The following CSMD1 variants were observed in gnomAD, a reference collection of about 807,000 sequenced individuals.
CSMD1 encodes the protein CUB and sushi domain-containing protein 1.
A neutral mutation model predicts 417.5 loss-of-function variants in CSMD1; 213 were observed. The ratio of observed to expected loss-of-function variants is 0.51; its 90% CI spans 0.46 to 0.57. The LOEUF is 0.57. CSMD1 is among the 20% of genes least tolerant of loss of function. The pLI is 0.00. For missense variants in CSMD1, 6,923 were observed against 4,529.7 expected, an observed-to-expected ratio of 1.53 and a Z score of -15.17; for synonymous variants, 2,862 against 1,736.8, an observed-to-expected ratio of 1.65 and a Z score of -16.11.
In CSMD1 at chr8:3,218,729, G is replaced by A. The variant is rs113173601; in HGVS notation, c.4672+526C>T. ...TCTACTAAAAATACAAAAATTAGCC[G>A]TGTATGGTGGCATGCTCCTGTAATT... On this transcript the variant is annotated intron_variant, in intron 29 of 69. Transcript: ENST00000635120. Among the ~76,000 whole-genome samples the A allele has an allele frequency of 3.2e-3, 481 of 151,880 alleles. 4 individuals carry two copies. The highest frequency in any genetic ancestry group is 0.011 in the African/African-American group (461 of 41,398).
In CSMD1 at chr8:3,723,997, C is replaced by G. The variant is rs1167810357; in HGVS notation, c.932-15506G>C. Among the ~76,000 whole-genome samples the G allele has an allele frequency of 3.9e-5, 2 of 51,526 alleles. 1 individual carries two copies. Among genetic ancestry groups the G allele is most frequent in the East Asian group, 7.4e-4 (2 of 2,702 alleles). The allele number at this position is 51,526 out of a possible 152,430, so 33.8% of individuals were successfully genotyped here. ...GTGAAAGAAAAATGTCCACTATTATCTAAGAGGGATATTAAAATACGCCTC... is the reference window on the plus strand; with the variant it reads ...GTGAAAGAAAAATGTCCACTATTATGTAAGAGGGATATTAAAATACGCCTC... On this transcript the variant is annotated intron_variant, in intron 6 of 69. Transcript: ENST00000635120.
chr8:2,984,268 G>C (rs1250243545), intron 54 of CSMD1, among the ~76,000 whole-genome samples: 2 of 152,198 alleles, frequency 1.3e-5, no homozygotes, highest in East Asian at 1.9e-4. Context: ...TGGGAGCCGA[G>C]CAAACGCACA....
intron 12 of CSMD1, among the ~76,000 whole-genome samples, chr8:3,455,029 C>G (rs892374753): frequency 1.2e-4 from 18 of 152,276 alleles, no homozygotes; most frequent in African/African-American, 4.1e-4. Flanking sequence ...TCTTTTTTCT[C>G]TAAACTTCTC....
At chr8:3,194,459 T>TATTTTATTTTATTTC (rs1362170813) in intron 33 of CSMD1, among the ~76,000 whole-genome samples, 36 of 122,954 alleles carry the variant, frequency 2.9e-4, no homozygotes, top group Admixed American at 5.6e-4. Flanking sequence ...TATTTTATTT[T>TATTTTATTTTATTTC]ATTTCATTTC....
chr8:4,147,336 T>C (rs913741062), intron 3 of CSMD1, among the ~76,000 whole-genome samples: 5 of 152,200 alleles, frequency 3.3e-5, no homozygotes, highest in South Asian at 2.1e-4. Flanking sequence ...CACCTGTCTA[T>C]TGCGCCCCAC....
intron 3 of CSMD1, among the ~76,000 whole-genome samples, chr8:4,110,689 G>C (rs1801805549): frequency 6.6e-6 from 1 of 152,038 alleles, no homozygotes; most frequent in East Asian, 1.9e-4. Flanking sequence ...AAAATGTTTT[G>C]CTGCTTATAA....
intron 1 of CSMD1, among the ~76,000 whole-genome samples, chr8:4,909,726 T>C (rs1457995225): frequency 6.6e-6 from 1 of 152,172 alleles, no homozygotes; most frequent in East Asian, 1.9e-4. Flanking sequence ...AAAGTGACCA[T>C]TTAAGTGATC....
chr8:4,311,681 C>A lies in CSMD1; in HGVS notation c.415+108272G>T, dbSNP rs13261966. 7.6e-3 allele frequency among the ~76,000 whole-genome samples: 1,133 copies of A among 148,198 alleles called. 15 individuals carry two copies. Among genetic ancestry groups the A allele is most frequent in the Non-Finnish European group, 9.4e-3 (637 of 67,736 alleles). On this transcript the variant is annotated intron_variant, in intron 3 of 69. Coordinates refer to ENST00000635120, the MANE Select transcript of CSMD1 (RefSeq NM_033225.6). ...GAGGCTGCAGTGAGCCGAGATTGTGCCACAGCACTCCAGCCTGGGCAACAA... is the reference window on the plus strand; with the variant it reads ...GAGGCTGCAGTGAGCCGAGATTGTGACACAGCACTCCAGCCTGGGCAACAA...
At chr8:4,491,224 C>G (rs1248123384) in intron 2 of CSMD1, among the ~76,000 whole-genome samples, 2 of 152,010 alleles carry the variant, frequency 1.3e-5, no homozygotes, top group African/African-American at 2.4e-5. Flanking sequence ...ATAGATACAA[C>G]TTCAATACTA....
intron 3 of CSMD1, among the ~76,000 whole-genome samples, chr8:4,413,412 A>C (rs1052021915): frequency 3.3e-5 from 5 of 152,158 alleles, no homozygotes; most frequent in African/African-American, 1.2e-4. Context: ...AGATTAGCTA[A>C]ATTTGTTTCT....
At chr8:4,083,461 C>G (rs1291647581) in intron 3 of CSMD1, among the ~76,000 whole-genome samples, 1 of 152,052 alleles carries the variant, frequency 6.6e-6, no homozygotes, top group Non-Finnish European at 1.5e-5. Flanking sequence ...CTACAGTAAC[C>G]AAAACAGCAT....
chr8:3,358,982 A>G (rs1321131689), intron 21 of CSMD1, among the ~76,000 whole-genome samples, 170 bp downstream of exon 21: 1 of 152,140 alleles, frequency 6.6e-6, no homozygotes, highest in African/African-American at 2.4e-5. Flanking sequence ...ATTCAAGCCC[A>G]GAGCAGTTAG....
At chr8:3,202,483 TG>T (rs1212758273) in intron 31 of CSMD1, among the ~76,000 whole-genome samples, 1 of 152,216 alleles carries the variant, frequency 6.6e-6, no homozygotes, top group Admixed American at 6.5e-5. Context: ...CTACATGCTT[TG>T]TGACTTCAAA....
chr8:3,074,802 T>C (rs919412257), intron 49 of CSMD1, among the ~76,000 whole-genome samples: 1 of 152,212 alleles, frequency 6.6e-6, no homozygotes, highest in African/African-American at 2.4e-5. Flanking sequence ...TGCCATATCA[T>C]GGAAAGTGTG....
intron 25 of CSMD1, among the ~76,000 whole-genome samples, chr8:3,302,722 G>A (rs1254618099): frequency 3.3e-5 from 5 of 152,154 alleles, no homozygotes; most frequent in East Asian, 1.9e-4. Flanking sequence ...GATGTGCCTC[G>A]TTATCCATAT....
intron 1 of CSMD1, among the ~76,000 whole-genome samples, chr8:4,978,878 C>T (rs931458358): frequency 4.7e-5 from 7 of 149,188 alleles, no homozygotes; most frequent in African/African-American, 1.7e-4. Flanking sequence ...GCGGAGGTTG[C>T]AGTGAGCTGA....
intron 1 of CSMD1, among the ~76,000 whole-genome samples, chr8:4,943,013 G>T (rs1808119256): frequency 6.6e-6 from 1 of 152,142 alleles, no homozygotes; most frequent in South Asian, 2.1e-4. Flanking sequence ...TCTGTTGAGA[G>T]TATGGCTTTC....
chr8:3,755,484 A>C (rs1797607502), intron 5 of CSMD1, among the ~76,000 whole-genome samples: 1 of 151,920 alleles, frequency 6.6e-6, no homozygotes, highest in South Asian at 2.1e-4. Flanking sequence ...TAAGGGTTTA[A>C]GCAAATTGCT....
intron 1 of CSMD1, among the ~76,000 whole-genome samples, chr8:4,687,385 A>G (rs1359168404): frequency 6.6e-6 from 1 of 152,220 alleles, no homozygotes; most frequent in Non-Finnish European, 1.5e-5. Context: ...ATAGCTTACA[A>G]ATGTCATAAA....
Sources: allele counts gnomAD v4.1 joint callset (sites outside exome capture counted in the v4.1 genomes callset), GRCh38; gene constraint gnomAD v4.1.1; transcripts MANE v1.5; gene names NCBI Gene and HGNC (gene_info 2026-07-23, HGNC 2026-07-21).